ATP10D: variants seen among roughly 807,000 people sequenced by gnomAD.
ATP10D encodes phospholipid-transporting ATPase VD.
A neutral mutation model predicts 144.8 loss-of-function variants in ATP10D; 89 were observed. The observed-to-expected ratio is 0.61, with a 90% CI of 0.52 to 0.73. The LOEUF (loss-of-function observed/expected upper bound fraction) is 0.73. Among genes scored for constraint, ATP10D ranks in the 30% least tolerant of loss-of-function variants. The probability of loss-of-function intolerance (pLI) is 0.00; values close to 1 mark genes in which losing one functional copy is unlikely to be tolerated. For missense variants in ATP10D, 1,603 were observed against 1,714.8 expected (o/e 0.93, Z 1.15); for synonymous variants, 571 against 615.1 (o/e 0.93, Z 1.06).
intron 14 of ATP10D, among the ~76,000 whole-genome samples, chr4:47,562,889 T>TA (rs1273940741): frequency 6.6e-6 from 1 of 151,900 alleles, no homozygotes; most frequent in Non-Finnish European, 1.5e-5. Context: ...CACTCAGCCA[T>TA]AAAAAAGAAT....
At chr4:47,551,178 A>T (rs933897204) in intron 10 of ATP10D, among the ~76,000 whole-genome samples, 11 of 152,236 alleles carry the variant, frequency 7.2e-5, no homozygotes, top group African/African-American at 2.2e-4. Flanking sequence ...AGGTGGAAGC[A>T]GTCACCTTCC....
At chr4:47,527,260 C>T (rs977308593) in intron 5 of ATP10D, among the ~76,000 whole-genome samples, 8 of 152,020 alleles carry the variant, frequency 5.3e-5, no homozygotes, top group Admixed American at 1.3e-4. Flanking sequence ...TATTTTCAAA[C>T]GTGAACTCCA....
intron 2 of ATP10D, 37 bp from the exon 3 acceptor site, chr4:47,515,439 A>T: frequency 9.1e-6 from 14 of 1,545,666 alleles, no homozygotes; most frequent in Non-Finnish European, 1.2e-5. Context: ...CCTTGAAGTA[A>T]CTTCTTAACA....
Position 47,536,524 on chromosome 4 carries a change from C to A in ATP10D, c.1103C>A (p.Ala368Glu). 1 of 1,613,492 alleles carries A rather than the reference C, an allele frequency of 6.2e-7. No homozygotes were observed. ...PDGHIISPLL[A>E]GFYMFWTMII... ...GGACATATCATATCACCACTGTTGG[C>A]AGGATTTTATATGTTTTGGACCATG... Residue 368 changes from alanine (A) to glutamate (E), a missense_variant, in exon 8 of 23, where the codon GCA (alanine) becomes GAA (glutamate). By Grantham distance (107) the Ala-to-Glu change is moderately radical. Transcript: ENST00000273859.
chr4:47,589,835 T>C (rs1189181174), intron 22 of ATP10D, among the ~76,000 whole-genome samples: 3 of 152,182 alleles, frequency 2.0e-5, no homozygotes, highest in South Asian at 2.1e-4. Flanking sequence ...TGTGTATCCA[T>C]TGAGATAAGA....
intron 1 of ATP10D, among the ~76,000 whole-genome samples, chr4:47,489,284 G>T (rs11930937): frequency 0.98 from 148,875 of 152,246 alleles, 72,881 homozygotes; most frequent in East Asian, 1. Flanking sequence ...GTATCATTTT[G>T]TTGGGAAAAT....
chr4:47,533,546 T>C (rs549025084), intron 5 of ATP10D, among the ~76,000 whole-genome samples: 1 of 152,296 alleles, frequency 6.6e-6, no homozygotes, highest in South Asian at 2.1e-4. Context: ...CTTTTATATA[T>C]GTAAGGAACA....
intron 1 of ATP10D, among the ~76,000 whole-genome samples, chr4:47,488,742 G>A (rs7654625): frequency 0.98 from 149,766 of 152,284 alleles, 73,695 homozygotes; most frequent in East Asian, 1. Context: ...TTCTGAATTC[G>A]TATGTTGATT....
intron 15 of ATP10D, 63 bp downstream of exon 15, chr4:47,563,828 T>G: frequency 7.2e-7 from 1 of 1,393,464 alleles, no homozygotes; most frequent in South Asian, 1.5e-5. Context: ...CATTTGAGAT[T>G]TGATGTATGC....
intron 5 of ATP10D, among the ~76,000 whole-genome samples, chr4:47,531,104 G>A (rs1387501005): frequency 4.0e-5 from 6 of 151,794 alleles, no homozygotes; most frequent in African/African-American, 1.5e-4. Flanking sequence ...TTGCACTGAT[G>A]AGAAAATTTG....
At position 47,523,016 on chromosome 4, in the gene ATP10D, G is replaced by A. The variant is rs773846255; in HGVS notation, c.490G>A (p.Glu164Lys). ...NLITKVYSRK[E>K]KKYIDRCWKD... ...TTAACTTTTTTTTAATTACAGGAAA[G>A]AGAAAAAATACATTGACCGATGCTG... The change falls in exon 4 of 23, where the codon GAG (glutamate) becomes AAG (lysine). Residue 164 changes from glutamate (E) to lysine (K), a missense_variant. Coordinates refer to ENST00000273859, the MANE Select transcript of ATP10D (RefSeq NM_020453.4). The A allele has an allele frequency of 6.2e-7, 1 of 1,602,248 alleles. No individual in the cohort carries two copies. The highest frequency in any genetic ancestry group is 1.1e-5 in the South Asian group (1 of 88,412).
chr4:47,545,811 G>T (rs1718390180), intron 9 of ATP10D, among the ~76,000 whole-genome samples: 2 of 143,000 alleles, frequency 1.4e-5, no homozygotes, highest in African/African-American at 2.6e-5. Context: ...ATGTGTAGAT[G>T]GTGGTAGGTC....
intron 6 of ATP10D, 47 bp from the exon 7 acceptor site, chr4:47,535,855 T>G: frequency 6.3e-7 from 1 of 1,577,104 alleles, no homozygotes; most frequent in South Asian, 1.2e-5. Context: ...TATTCGCTTC[T>G]TGGCTTTAAT....
At chr4:47,494,486 T>G (rs1029841307) in intron 1 of ATP10D, among the ~76,000 whole-genome samples, 3 of 107,582 alleles carry the variant, frequency 2.8e-5, no homozygotes, top group Admixed American at 8.5e-5. Context: ...TCTTTTAATA[T>G]ACTTTGGATA....
At position 47,523,169 on chromosome 4, in the gene ATP10D, G is replaced by A. The variant is rs1486032355; in HGVS notation, c.643G>A (p.Glu215Lys). Residue 215 changes from glutamate to lysine, a missense_variant, in exon 4 of 23, where the codon GAG (glutamate) becomes AAG (lysine). Physicochemically the swap from Glu to Lys is moderately conservative, Grantham distance 56. Transcript: ENST00000273859. ...CATTGAGACTTCTGGTCTTGATGGA[G>A]AGAGCAATTTAAAACAGAGGCAGGT... ...CHIETSGLDG[E>K]SNLKQRQVVR... 6.2e-7 allele frequency: 1 copy of A among 1,614,108 alleles called. No homozygotes were observed. The highest frequency in any genetic ancestry group is 1.7e-5 in the Admixed American group (1 of 60,026).
chr4:47,497,177 C>T (rs181458945), intron 1 of ATP10D, among the ~76,000 whole-genome samples: 4 of 151,446 alleles, frequency 2.6e-5, no homozygotes, highest in East Asian at 2.0e-4. Context: ...CCATTGTAGC[C>T]GGGCATGGTG....
chr4:47,531,291 G>A (rs73237087), intron 5 of ATP10D, among the ~76,000 whole-genome samples: 19,648 of 152,194 alleles, frequency 0.13, 1,518 homozygotes, highest in South Asian at 0.24. Flanking sequence ...AAGAGGGAAA[G>A]GCTTAGTCTT....
chr4:47,554,878 A>C lies in ATP10D; in HGVS notation c.1788A>C (p.Thr596=), dbSNP rs1332332778. ...DFFIALAICN[T]VVVSAPNQPR... Reference sequence around the variant, plus strand: ...TCATTGCATTGGCAATTTGCAACACAGTAGTGGTTTCTGCTCCTAACCAAC... The same window carrying C: ...TCATTGCATTGGCAATTTGCAACACCGTAGTGGTTTCTGCTCCTAACCAAC... The change falls in exon 11 of 23, where the codon ACA becomes ACC. Residue 596 remains threonine, a synonymous_variant. Coordinates refer to ENST00000273859, the MANE Select transcript of ATP10D (RefSeq NM_020453.4). The C allele has an allele frequency of 1.9e-6, 3 of 1,614,148 alleles. No homozygotes were observed. The highest frequency in any genetic ancestry group is 4.5e-5 in the East Asian group (2 of 44,864).
intron 1 of ATP10D, among the ~76,000 whole-genome samples, chr4:47,496,084 T>A (rs1317067802): frequency 2.0e-5 from 3 of 152,090 alleles, no homozygotes; most frequent in Middle Eastern, 3.2e-3. Flanking sequence ...AGAAATAGAT[T>A]TAACACAATT....
Sources: allele counts gnomAD v4.1 joint callset (sites outside exome capture counted in the v4.1 genomes callset), GRCh38; gene constraint gnomAD v4.1.1; transcripts MANE v1.5; gene names NCBI Gene and HGNC (gene_info 2026-07-23, HGNC 2026-07-21).